Variants in HAVCR2 observed in about 807,000 individuals in gnomAD.
HAVCR2 encodes hepatitis A virus cellular receptor 2.
Under a neutral mutation model 24.7 loss-of-function variants are expected in HAVCR2, and 13 were observed. The ratio of observed to expected loss-of-function variants is 0.53; its 90% CI spans 0.34 to 0.84. The LOEUF (loss-of-function observed/expected upper bound fraction) is 0.84, where lower values mean the gene tolerates loss of function less well. HAVCR2 is among the 40% of genes least tolerant of loss of function. The pLI, the probability that HAVCR2 is intolerant of heterozygous loss-of-function variation, is 0.01. For missense variants in HAVCR2, 343 were observed against 371.2 expected, an observed-to-expected ratio of 0.92 and a Z score of 0.62; for synonymous variants, 154 against 143.4, an observed-to-expected ratio of 1.07 and a Z score of -0.53.
intron 3 of HAVCR2, among the ~76,000 whole-genome samples, chr5:157,100,134 G>A (rs1164278757): frequency 6.6e-6 from 1 of 152,198 alleles, no homozygotes; most frequent in African/African-American, 2.4e-5. Context: ...CAGTGAAGAA[G>A]CTCATTTTAG....
chr5:157,095,557 T>A (rs1757084347), intron 4 of HAVCR2, 98 bp from the exon 5 acceptor site: 1 of 1,327,052 alleles, frequency 7.5e-7, no homozygotes, highest in East Asian at 2.3e-5. Context: ...TTTTACAACA[T>A]CACAGGATGG....
Position 157,108,953 on chromosome 5 carries a change from G to A in HAVCR2, c.31C>T (p.Leu11=). Residue 11 remains leucine (L), a synonymous_variant, in exon 1 of 7, where the codon CTG becomes TTG. Coordinates refer to ENST00000307851, the MANE Select transcript of HAVCR2 (RefSeq NM_032782.5). MFSHLPFDCV[L]LLLLLLLTRS... ...GTAAGTAGTAGCAGCAGCAGCAGCAGGACACAGTCAAAGGGAAGATGTGAA... is the reference window on the plus strand; with the variant it reads ...GTAAGTAGTAGCAGCAGCAGCAGCAAGACACAGTCAAAGGGAAGATGTGAA... 1 of 1,614,132 alleles carries A rather than the reference G, an allele frequency of 6.2e-7. No homozygotes were observed.
chr5:157,097,891 C>A (rs1268177182), intron 4 of HAVCR2, among the ~76,000 whole-genome samples: 1 of 152,018 alleles, frequency 6.6e-6, no homozygotes, highest in Non-Finnish European at 1.5e-5. Flanking sequence ...TGAGTCACTG[C>A]GCCCAGCCAG....
intron 3 of HAVCR2, 77 bp downstream of exon 3, chr5:157,104,589 T>C: frequency 9.7e-7 from 1 of 1,031,892 alleles, no homozygotes; most frequent in Non-Finnish European, 1.5e-6. Flanking sequence ...TGTTTTCTCA[T>C]CTTTTTTTCC....
rs192961646 is a variant in HAVCR2 at position 157,096,874 on chromosome 5, T to C, written c.523-1415A>G. 3.3e-4 allele frequency among the ~76,000 whole-genome samples: 50 copies of C among 151,524 alleles called. No individual in the cohort carries two copies. In the East Asian group the frequency reaches 9.1e-3, roughly 28 times the overall value. On this transcript the variant is annotated intron_variant, in intron 4 of 6. Coordinates refer to ENST00000307851, the MANE Select transcript of HAVCR2 (RefSeq NM_032782.5). Reference sequence around the variant, plus strand: ...GGGAAGCTGAGATGGGAGGATCACTTGAGACCAGGAGTTAGGGACCAGCCT... The same window carrying C: ...GGGAAGCTGAGATGGGAGGATCACTCGAGACCAGGAGTTAGGGACCAGCCT...
intron 5 of HAVCR2, among the ~76,000 whole-genome samples, chr5:157,092,698 G>T (rs7705741): frequency 0.24 from 36,182 of 151,134 alleles, 4,877 homozygotes; most frequent in East Asian, 0.44. Flanking sequence ...CACTCACCTC[G>T]GCCTCCCAAA....
intron 1 of HAVCR2, 25 bp from the exon 2 acceptor site, chr5:157,106,987 A>G: frequency 1.3e-6 from 2 of 1,579,142 alleles, no homozygotes; most frequent in Non-Finnish European, 1.7e-6. Context: ...AAGGAGAGCC[A>G]AGACTCAAGC....
chr5:157,095,323 C>A lies in HAVCR2; in HGVS notation c.659G>T (p.Gly220Val), dbSNP rs759985431. The change falls in exon 5 of 7, where the codon GGC becomes GTC. Residue 220 changes from glycine (G) to valine (V), a missense_variant. Transcript: ENST00000307851. ...ACACTTACATTTGAAAATTAAAGCGCCGAAGATAAGAGCCAGAGCCAGCCC... is the reference window on the plus strand; with the variant it reads ...ACACTTACATTTGAAAATTAAAGCGACGAAGATAAGAGCCAGAGCCAGCCC... ...CAGLALALIF[G>V]ALIFKWYSHS... 6.2e-7 allele frequency: 1 copy of A among 1,613,654 alleles called. No homozygotes were observed. The highest frequency in any genetic ancestry group is 8.5e-7 in the Non-Finnish European group (1 of 1,179,898).
intron 3 of HAVCR2, among the ~76,000 whole-genome samples, chr5:157,102,701 G>A (rs1053654170): frequency 2.0e-5 from 3 of 152,034 alleles, no homozygotes; most frequent in Non-Finnish European, 2.9e-5. Context: ...TTGGGAGGCC[G>A]AGGCAGAGGG....
intron 4 of HAVCR2, among the ~76,000 whole-genome samples, chr5:157,096,927 A>AACAC (rs34799337): frequency 0.026 from 3,749 of 142,910 alleles, 49 homozygotes; most frequent in South Asian, 0.04. Flanking sequence ...ATTTATACAA[A>AACAC]ACACACACAC....
intron 5 of HAVCR2, among the ~76,000 whole-genome samples, chr5:157,092,725 C>T (rs1176358044): frequency 1.3e-5 from 2 of 151,536 alleles, no homozygotes; most frequent in African/African-American, 4.8e-5. Context: ...GGATTACAGG[C>T]GTAAGCCACC....
At chr5:157,106,438 G>T in intron 2 of HAVCR2, 189 bp downstream of exon 2, 1 of 595,580 alleles carries the variant, frequency 1.7e-6, no homozygotes, top group Non-Finnish European at 3.0e-6. Context: ...GCACACCCAT[G>T]AGTTTTAAAA....
intron 4 of HAVCR2, among the ~76,000 whole-genome samples, chr5:157,096,211 C>T (rs1490809401): frequency 4.3e-5 from 5 of 116,070 alleles, no homozygotes; most frequent in African/African-American, 1.7e-4. Flanking sequence ...ACCTGGGCAA[C>T]AGAGCGAGAC....
intron 2 of HAVCR2, among the ~76,000 whole-genome samples, chr5:157,105,116 G>A (rs1040520040): frequency 1.3e-5 from 2 of 151,698 alleles, no homozygotes; most frequent in East Asian, 3.9e-4. Context: ...CCAGGCTGGA[G>A]TGCAATGGCA....
At position 157,087,260 on chromosome 5, in the gene HAVCR2, A is replaced by G. The variant is rs781294072; in HGVS notation, c.748T>C (p.Leu250=). 3 of 1,611,712 alleles carry G rather than the reference A, an allele frequency of 1.9e-6. No homozygotes were observed. The highest frequency in any genetic ancestry group is 2.2e-5 in the South Asian group (2 of 90,262). The stretch of plus-strand genomic sequence containing the variant: ...ATTCCCTCTGCTACTGCATTTGCCA[A>G]TCCTGAGGGAGGGAGGTTGGCCAAA... ...ISLANLPPSG[L]ANAVAEGIRS... The change falls in exon 7 of 7, where the codon TTG becomes CTG. Residue 250 remains leucine, a synonymous_variant. Coordinates refer to ENST00000307851, the MANE Select transcript of HAVCR2 (RefSeq NM_032782.5).
chr5:157,098,956 A>T, intron 3 of HAVCR2, 55 bp from the exon 4 acceptor site: 1 of 1,526,694 alleles, frequency 6.6e-7, no homozygotes, highest in Non-Finnish European at 8.9e-7. Flanking sequence ...AGTATAGTTA[A>T]GAACGTTTTC....
At chr5:157,095,507 T>C in intron 4 of HAVCR2, 48 bp from the exon 5 acceptor site, 1 of 1,605,802 alleles carries the variant, frequency 6.2e-7, no homozygotes, top group Non-Finnish European at 8.5e-7. Context: ...TAGAAATCGC[T>C]TGTGTAATCA....
chr5:157,087,554 T>A (rs1756931117), intron 6 of HAVCR2, among the ~76,000 whole-genome samples: 1 of 152,056 alleles, frequency 6.6e-6, no homozygotes, highest in Non-Finnish European at 1.5e-5. Flanking sequence ...TTCTCGGAGG[T>A]GCAGGCTGAA....
chr5:157,095,606 G>A, intron 4 of HAVCR2, 147 bp from the exon 5 acceptor site: 1 of 841,370 alleles, frequency 1.2e-6, no homozygotes, highest in East Asian at 2.7e-5. Context: ...TCACCTTGTA[G>A]CCAACACTCA....
Sources: allele counts gnomAD v4.1 joint callset (sites outside exome capture counted in the v4.1 genomes callset), GRCh38; gene constraint gnomAD v4.1.1; transcripts MANE v1.5; gene names NCBI Gene and HGNC (gene_info 2026-07-23, HGNC 2026-07-21).